The following PPP1R42 variants were observed in gnomAD, a reference collection of about 807,000 sequenced individuals.
PPP1R42 encodes leucine rich repeat containing 67.
PPP1R42 carries 34 observed loss-of-function variants against 31.0 expected under a neutral mutation model. That is an observed-to-expected ratio of 1.10 (90% confidence interval 0.83 to 1.46). The LOEUF (loss-of-function observed/expected upper bound fraction) is 1.46. Ranked by LOEUF, PPP1R42 falls within the 40% of genes most tolerant of loss-of-function variation. The pLI is 0.00. For missense variants in PPP1R42, 268 were observed against 303.0 expected (o/e 0.88, Z 0.86); for synonymous variants, 103 against 109.8 (o/e 0.94, Z 0.39).
chr8:66,983,987 A>G, intron 6 of PPP1R42: 2 of 767,096 alleles, frequency 2.6e-6, no homozygotes, highest in Non-Finnish European at 4.4e-6. Context: ...CTGACTGGGG[A>G]AGGGAGCAAG....
chr8:67,006,543 T>A (rs1815683466), intron 5 of PPP1R42, among the ~76,000 whole-genome samples: 1 of 152,152 alleles, frequency 6.6e-6, no homozygotes, highest in Non-Finnish European at 1.5e-5. Context: ...TTTTTTAATT[T>A]TTTTGTAGAG....
At chr8:67,005,710 T>C (rs1349357613) in intron 5 of PPP1R42, among the ~76,000 whole-genome samples, 2 of 152,174 alleles carry the variant, frequency 1.3e-5, no homozygotes, top group Non-Finnish European at 1.5e-5. Flanking sequence ...TATAACTCAT[T>C]ACTTCCAAAC....
intron 6 of PPP1R42, chr8:66,985,950 T>G (rs1450022227): frequency 2.6e-6 from 2 of 768,320 alleles, no homozygotes; most frequent in Non-Finnish European, 4.6e-6. Context: ...ACCAAACACC[T>G]TCTTTAGCTT....
At chr8:67,018,387 A>G (rs2129537064) in intron 1 of PPP1R42, among the ~76,000 whole-genome samples, 1 of 151,332 alleles carries the variant, frequency 6.6e-6, no homozygotes, top group South Asian at 2.1e-4. Flanking sequence ...CAAAGTGCTG[A>G]GATTACAGGC....
intron 1 of PPP1R42, among the ~76,000 whole-genome samples, chr8:67,024,144 C>CA (rs995179753): frequency 6.3e-4 from 93 of 146,618 alleles, no homozygotes; most frequent in African/African-American, 1.9e-3. Flanking sequence ...GACTCCATCT[C>CA]AAAAAAAAAC....
At chr8:66,978,179 C>T (rs1438972230) in intron 7 of PPP1R42, among the ~76,000 whole-genome samples, 1 of 152,130 alleles carries the variant, frequency 6.6e-6, no homozygotes, top group Non-Finnish European at 1.5e-5. Context: ...GCCTCACAAT[C>T]ATGGCAGAAG....
chr8:67,017,054 A>T (rs987581781), intron 2 of PPP1R42, among the ~76,000 whole-genome samples: 23 of 152,228 alleles, frequency 1.5e-4, no homozygotes, highest in African/African-American at 5.1e-4. Flanking sequence ...GAGAACTGTA[A>T]TACATATATT....
At chr8:66,986,260 G>A (rs760858580) in intron 6 of PPP1R42, 10 of 510,602 alleles carry the variant, frequency 2.0e-5, no homozygotes, top group Non-Finnish European at 3.7e-5. Flanking sequence ...GATAAATTAG[G>A]GAGAAAAGAT....
intron 5 of PPP1R42, among the ~76,000 whole-genome samples, chr8:66,994,130 T>C (rs1220844771): frequency 6.6e-6 from 1 of 152,112 alleles, no homozygotes; most frequent in Non-Finnish European, 1.5e-5. Flanking sequence ...ATCTTGGTGG[T>C]AAGGAGTCCT....
intron 7 of PPP1R42, among the ~76,000 whole-genome samples, chr8:66,964,687 T>C (rs1189139846): frequency 2.6e-5 from 4 of 152,190 alleles, no homozygotes; most frequent in Admixed American, 2.6e-4. Context: ...ATTTATTCCA[T>C]ATTGTTTTTA....
At chr8:67,001,307 T>A (rs1815480614) in intron 5 of PPP1R42, among the ~76,000 whole-genome samples, 1 of 150,890 alleles carries the variant, frequency 6.6e-6, no homozygotes, top group Non-Finnish European at 1.5e-5. Context: ...CACCTTGGCC[T>A]CCTAAAGTGC....
intron 6 of PPP1R42, chr8:66,985,590 G>T: frequency 7.3e-7 from 1 of 1,367,118 alleles, no homozygotes; most frequent in Non-Finnish European, 1.0e-6. Flanking sequence ...GCCCGGCTTG[G>T]ATTCGAGCTT....
chr8:66,976,039 G>C (rs1814662141), intron 7 of PPP1R42, among the ~76,000 whole-genome samples: 1 of 152,158 alleles, frequency 6.6e-6, no homozygotes, highest in Non-Finnish European at 1.5e-5. Context: ...AGCTTCATCT[G>C]TATTTACAGC....
At chr8:67,007,404 C>A (rs1815719300) in intron 5 of PPP1R42, among the ~76,000 whole-genome samples, 1 of 152,150 alleles carries the variant, frequency 6.6e-6, no homozygotes, top group Non-Finnish European at 1.5e-5. Context: ...ACTCTGTCAC[C>A]CAGGCTGGAG....
At chr8:66,984,716 T>C (rs1814950758) in intron 6 of PPP1R42, 6 of 1,602,142 alleles carry the variant, frequency 3.7e-6, no homozygotes, top group Non-Finnish European at 5.1e-6. Flanking sequence ...CTTTTTGCCA[T>C]CTGAGCTGTG....
intron 7 of PPP1R42, among the ~76,000 whole-genome samples, chr8:66,974,485 C>G (rs1041575397): frequency 5.9e-5 from 9 of 151,968 alleles, no homozygotes; most frequent in Non-Finnish European, 1.0e-4. Flanking sequence ...ACCCAGGAGG[C>G]GGAGGTTGCA....
At chr8:66,984,035 T>C in intron 6 of PPP1R42, 2 of 1,216,406 alleles carry the variant, frequency 1.6e-6, no homozygotes, top group Non-Finnish European at 1.2e-6. Context: ...TTGGCACAGT[T>C]CTGAGATCAT....
At chr8:66,989,678 A>G (rs2130933561) in intron 5 of PPP1R42, among the ~76,000 whole-genome samples, 1 of 152,316 alleles carries the variant, frequency 6.6e-6, no homozygotes. Flanking sequence ...CTTTCTTTGG[A>G]TATATACCCT....
At chr8:66,977,631 C>T (rs1814715860) in intron 7 of PPP1R42, among the ~76,000 whole-genome samples, 1 of 152,060 alleles carries the variant, frequency 6.6e-6, no homozygotes, top group Admixed American at 6.5e-5. Flanking sequence ...TTAGCCTCCA[C>T]AGTAGCTGAG....
Sources: allele counts gnomAD v4.1 joint callset (sites outside exome capture counted in the v4.1 genomes callset), GRCh38; gene constraint gnomAD v4.1.1; transcripts MANE v1.5; gene names NCBI Gene and HGNC (gene_info 2026-07-23, HGNC 2026-07-21).